The following TMTC4 variants were observed in gnomAD, a reference collection of about 807,000 sequenced individuals.
TMTC4 encodes the protein transmembrane O-mannosyltransferase targeting cadherins 4.
TMTC4 carries 65 observed loss-of-function variants against 86.0 expected under a neutral mutation model. The ratio of observed to expected loss-of-function variants is 0.76; its 90% CI spans 0.62 to 0.93. The LOEUF (loss-of-function observed/expected upper bound fraction) is 0.93, where lower values mean the gene tolerates loss of function less well. TMTC4 is among the 40% of genes least tolerant of loss of function. TMTC4 has a pLI of 0.00. For synonymous variants in TMTC4, 379 were observed against 382.5 expected, an observed-to-expected ratio of 0.99 and a Z score of 0.11; for missense variants, 866 against 948.1, an observed-to-expected ratio of 0.91 and a Z score of 1.14.
chr13:100,674,835 GGCC>G (rs1020053628), upstream of TMTC4: 11 of 972,880 alleles, frequency 1.1e-5, no homozygotes, highest in African/African-American at 1.9e-4. Flanking sequence ...CAGGGGGAGG[GGCC>G]GCCCGCCGCG....
chr13:100,650,867 G>GA (rs1884351202), intron 6 of TMTC4, among the ~76,000 whole-genome samples: 1 of 152,184 alleles, frequency 6.6e-6, no homozygotes, highest in South Asian at 2.1e-4. Flanking sequence ...CTAAGTCAAA[G>GA]AAAAACAGGT....
chr13:100,612,334 CACTT>C (rs1040120457), intron 17 of TMTC4, 60 bp downstream of exon 17: 4 of 1,254,248 alleles, frequency 3.2e-6, no homozygotes, highest in African/African-American at 3.0e-5. Context: ...GCAGAAGTAA[CACTT>C]ACGTCTTCTG....
intron 3 of TMTC4, chr13:100,666,153 A>G (rs1402191009): frequency 1.2e-5 from 5 of 425,438 alleles, no homozygotes; most frequent in Non-Finnish European, 1.9e-5. Flanking sequence ...TTTATGGAAA[A>G]GATGTATTGT....
intron 1 of TMTC4, among the ~76,000 whole-genome samples, chr13:100,672,048 G>A (rs1887174854): frequency 6.6e-6 from 1 of 152,106 alleles, no homozygotes; most frequent in Non-Finnish European, 1.5e-5. Flanking sequence ...GCACAACACA[G>A]TACCACCACC....
In TMTC4 at chr13:100,649,636, AC is replaced by A. The variant is rs1406649177; in HGVS notation, c.640+6744del. Reference sequence around the variant, plus strand: ...TTGCAATTATGAGATGTAATTTAATACCCAAAAGTTAATCATTTGCTCAGTG... The same window carrying A: ...TTGCAATTATGAGATGTAATTTAATACCAAAAGTTAATCATTTGCTCAGTG... On this transcript the variant is annotated intron_variant, in intron 6 of 18. Transcript: ENST00000342624. 2.0e-5 allele frequency among the ~76,000 whole-genome samples: 3 copies of A among 152,238 alleles called. No individual in the cohort carries two copies. In the East Asian group the frequency reaches 5.8e-4, roughly 29 times the overall value.
At chr13:100,618,626 G>A (rs2138752587) in intron 15 of TMTC4, among the ~76,000 whole-genome samples, 1 of 152,116 alleles carries the variant, frequency 6.6e-6, no homozygotes, top group East Asian at 1.9e-4. Context: ...CCTAGGCAGA[G>A]GACCCTGCGG....
At chr13:100,609,134 T>C (rs1484413875) in intron 17 of TMTC4, among the ~76,000 whole-genome samples, 2 of 152,074 alleles carry the variant, frequency 1.3e-5, no homozygotes, top group Admixed American at 6.6e-5. Context: ...TCCTTCTGAT[T>C]GCATTGGGGC....
In TMTC4 at chr13:100,638,012, G is replaced by A. The variant is rs370994636; in HGVS notation, c.752C>T (p.Ala251Val). The A allele has an allele frequency of 1.2e-5, 19 of 1,613,506 alleles. No homozygotes were observed. Among genetic ancestry groups the A allele is most frequent in the African/African-American group, 2.7e-5 (2 of 74,856 alleles). Reference protein sequence around the residue: ...EQGITVLGLNAVFDILVIGKF... With the variant: ...EQGITVLGLNVVFDILVIGKF... Reference sequence around the variant, plus strand: ...GCCTATCACCAAGATGTCAAATACCGCATTTAAACCCTAAGAAAGCAAAGC... The same window carrying A: ...GCCTATCACCAAGATGTCAAATACCACATTTAAACCCTAAGAAAGCAAAGC... Residue 251 changes from alanine to valine, a missense_variant, in exon 8 of 19, where the codon GCG becomes GTG. By Grantham distance (64) the Ala-to-Val change is moderately conservative. Coordinates refer to ENST00000342624, the MANE Select transcript of TMTC4 (RefSeq NM_032813.5).
intron 6 of TMTC4, among the ~76,000 whole-genome samples, chr13:100,653,592 C>G (rs1336817817): frequency 6.6e-6 from 1 of 152,194 alleles, no homozygotes; most frequent in African/African-American, 2.4e-5. Context: ...CTAAGGCCCT[C>G]TCTCAAGAAT....
At chr13:100,607,637 A>G (rs1298268929) in intron 17 of TMTC4, among the ~76,000 whole-genome samples, 1 of 149,764 alleles carries the variant, frequency 6.7e-6, no homozygotes, top group Non-Finnish European at 1.5e-5. Flanking sequence ...TGGGCTTCCC[A>G]TATCTGTGAC....
intron 14 of TMTC4, 33 bp downstream of exon 14, chr13:100,625,752 T>C: frequency 6.2e-7 from 1 of 1,609,894 alleles, no homozygotes; most frequent in Non-Finnish European, 8.5e-7. Flanking sequence ...CTCCTTTCTT[T>C]GTCACTAGCA....
Position 100,637,533 on chromosome 13 carries a change from C to T in TMTC4, c.999+5G>A. On this transcript the variant is annotated splice_donor_5th_base_variant and intron_variant, in intron 9 of 18. Transcript: ENST00000342624. ...AGTCCAGGGGGCGGCAGGCTCAGAACTCACCCTCACCAGCATGCTGTCAGC... is the reference window on the plus strand; with the variant it reads ...AGTCCAGGGGGCGGCAGGCTCAGAATTCACCCTCACCAGCATGCTGTCAGC... 1 of 1,610,780 alleles carries T rather than the reference C, an allele frequency of 6.2e-7. No individual in the cohort carries two copies. The highest frequency in any genetic ancestry group is 2.2e-5 in the East Asian group (1 of 44,786).
chr13:100,630,047 G>A (rs1046957007), intron 12 of TMTC4, among the ~76,000 whole-genome samples: 9 of 151,352 alleles, frequency 5.9e-5, no homozygotes, highest in Non-Finnish European at 8.9e-5. Flanking sequence ...GTGTGTGTGT[G>A]TGTGTGTGTG....
At position 100,668,576 on chromosome 13, in the gene TMTC4, A is replaced by G. The variant is rs1594385112; in HGVS notation, c.219+3T>C. 6.2e-7 allele frequency: 1 copy of G among 1,613,908 alleles called. No homozygotes were observed. The highest frequency in any genetic ancestry group is 1.1e-5 in the South Asian group (1 of 91,040). ...TTTACCAGAAAAGAGTTGAGATACAAACCTTATTGTTAACAATAGCTTCTG... is the reference window on the plus strand; with the variant it reads ...TTTACCAGAAAAGAGTTGAGATACAGACCTTATTGTTAACAATAGCTTCTG... On this transcript the variant is annotated splice_donor_region_variant and intron_variant, in intron 3 of 18. Transcript: ENST00000342624.
intron 12 of TMTC4, among the ~76,000 whole-genome samples, chr13:100,633,915 G>A (rs565170393): frequency 1.3e-5 from 2 of 152,156 alleles, no homozygotes; most frequent in South Asian, 2.1e-4. Flanking sequence ...TGAAGCAGAC[G>A]GATCACTTGA....
intron 6 of TMTC4, among the ~76,000 whole-genome samples, chr13:100,645,289 G>A (rs1322019044): frequency 1.3e-5 from 2 of 152,090 alleles, no homozygotes; most frequent in African/African-American, 4.8e-5. Flanking sequence ...TTCTCACCTG[G>A]GTGTGCTTAC....
At chr13:100,662,856 G>A in intron 5 of TMTC4, 108 bp downstream of exon 5, 1 of 1,177,954 alleles carries the variant, frequency 8.5e-7, no homozygotes, top group Non-Finnish European at 1.2e-6. Context: ...TCCAGCTCTG[G>A]AACCAAGATG....
intron 7 of TMTC4, 161 bp from the exon 8 acceptor site, chr13:100,638,183 C>A (rs543207555): frequency 3.6e-6 from 2 of 550,116 alleles, no homozygotes; most frequent in Non-Finnish European, 6.4e-6. Context: ...AACAGCCGTA[C>A]GTTTCTATGA....
At chr13:100,645,923 G>A (rs563955794) in intron 6 of TMTC4, among the ~76,000 whole-genome samples, 2 of 152,170 alleles carry the variant, frequency 1.3e-5, no homozygotes, top group East Asian at 3.9e-4. Context: ...ACCCCCTACC[G>A]CTCCCCTCAG....
Sources: allele counts gnomAD v4.1 joint callset (sites outside exome capture counted in the v4.1 genomes callset), GRCh38; gene constraint gnomAD v4.1.1; transcripts MANE v1.5; gene names NCBI Gene and HGNC (gene_info 2026-07-23, HGNC 2026-07-21).